Variants in MTUS2 observed in about 807,000 individuals in gnomAD.
MTUS2 encodes the protein microtubule-associated tumor suppressor candidate 2.
A neutral mutation model predicts 114.1 loss-of-function variants in MTUS2; 40 were observed. The observed-to-expected ratio is 0.35, with a 90% CI of 0.27 to 0.46. The LOEUF (loss-of-function observed/expected upper bound fraction) is 0.46. MTUS2 is among the 20% of genes least tolerant of loss of function. The pLI is 1.00. For synonymous variants in MTUS2, 688 were observed against 672.0 expected (o/e 1.02, Z -0.37); for missense variants, 1,679 against 1,705.4 (o/e 0.98, Z 0.27).
At chr13:29,170,908 C>G (rs2139118363) in intron 5 of MTUS2, among the ~76,000 whole-genome samples, 1 of 152,282 alleles carries the variant, frequency 6.6e-6, no homozygotes, top group South Asian at 2.1e-4. Flanking sequence ...AAAAATGTGG[C>G]AGCCATCCCA....
intron 9 of MTUS2, among the ~76,000 whole-genome samples, chr13:29,450,478 C>A (rs1017255802): frequency 2.0e-5 from 3 of 152,260 alleles, no homozygotes; most frequent in South Asian, 4.1e-4. Flanking sequence ...AGATTAGATT[C>A]TGCTGTTTCC....
At chr13:29,307,608 T>G (rs1899535835) in intron 6 of MTUS2, 1 of 1,173,544 alleles carries the variant, frequency 8.5e-7, no homozygotes. Context: ...TGGGCTACAC[T>G]GAGTACCAGC....
At chr13:29,326,648 G>T (rs1900527838) in intron 7 of MTUS2, among the ~76,000 whole-genome samples, 1 of 152,122 alleles carries the variant, frequency 6.6e-6, no homozygotes, top group Non-Finnish European at 1.5e-5. Flanking sequence ...ATGTCATAAT[G>T]ACTTACATGA....
chr13:29,349,724 A>T (rs1396795443), intron 7 of MTUS2, among the ~76,000 whole-genome samples: 1 of 151,924 alleles, frequency 6.6e-6, no homozygotes, highest in Admixed American at 6.6e-5. Flanking sequence ...CTAGTGGAAA[A>T]TCTGCTGTTA....
intron 4 of MTUS2, among the ~76,000 whole-genome samples, chr13:29,073,454 ACTATCTGAT>A (rs141702148): frequency 0.013 from 1,998 of 152,278 alleles, 49 homozygotes; most frequent in African/African-American, 0.046. Context: ...GGGAACCACA[ACTATCTGAT>A]GAGTCTTTCT....
At chr13:29,078,359 T>C (rs1272826277) in intron 4 of MTUS2, among the ~76,000 whole-genome samples, 1 of 152,154 alleles carries the variant, frequency 6.6e-6, no homozygotes, top group Non-Finnish European at 1.5e-5. Flanking sequence ...ACAGACCAAG[T>C]TTTCTATCTG....
chr13:29,472,111 G>A (rs144460964), intron 9 of MTUS2, among the ~76,000 whole-genome samples: 1 of 152,220 alleles, frequency 6.6e-6, no homozygotes, highest in African/African-American at 2.4e-5. Context: ...TGTAACCTCT[G>A]CCTCCCGAGT....
intron 2 of MTUS2, among the ~76,000 whole-genome samples, chr13:28,942,663 G>A (rs368896885): frequency 1.5e-4 from 23 of 152,354 alleles, no homozygotes; most frequent in African/African-American, 4.8e-4. Context: ...TGGTGACATG[G>A]ATACATCTCA....
At chr13:29,326,716 C>T (rs549990410) in intron 7 of MTUS2, among the ~76,000 whole-genome samples, 18 of 152,288 alleles carry the variant, frequency 1.2e-4, no homozygotes, top group East Asian at 5.8e-4. Flanking sequence ...CGTGGTGGCT[C>T]GTGCCTGTAA....
At chr13:29,500,705 A>G (rs1566241264) in intron 14 of MTUS2, among the ~76,000 whole-genome samples, 1 of 151,982 alleles carries the variant, frequency 6.6e-6, no homozygotes, top group Non-Finnish European at 1.5e-5. Flanking sequence ...CAGTAGTCAA[A>G]TGAGGTCCTA....
chr13:28,885,531 G>T (rs1425312189), intron 2 of MTUS2, among the ~76,000 whole-genome samples: 1 of 152,186 alleles, frequency 6.6e-6, no homozygotes, highest in African/African-American at 2.4e-5. Flanking sequence ...TTAGGATCCA[G>T]ACTTATTTTG....
intron 5 of MTUS2, among the ~76,000 whole-genome samples, chr13:29,232,191 T>G (rs1034145880): frequency 6.6e-6 from 1 of 152,166 alleles, no homozygotes; most frequent in African/African-American, 2.4e-5. Context: ...TTCAGATTTT[T>G]GTAGGAAATT....
intron 1 of MTUS2, among the ~76,000 whole-genome samples, chr13:28,838,916 T>G (rs985060606): frequency 6.6e-6 from 1 of 152,178 alleles, no homozygotes. Context: ...ACCCAAACCA[T>G]TGTTGCTCAG....
chr13:29,164,772 A>T lies in MTUS2; in HGVS notation c.2644+63802A>T, dbSNP rs142334293. 8.3e-4 allele frequency among the ~76,000 whole-genome samples: 127 copies of T among 152,350 alleles called. 1 individual carries two copies. The highest frequency in any genetic ancestry group is 3.0e-3 in the African/African-American group (124 of 41,578). ...AAATAATTATGTATTAGCCATATAA[A>T]GTAATTTCAAGTGGGAAATAATTTC... On this transcript the variant is annotated intron_variant, in intron 5 of 15. Coordinates refer to ENST00000612955, the MANE Select transcript of MTUS2 (RefSeq NM_001033602.4).
intron 8 of MTUS2, among the ~76,000 whole-genome samples, chr13:29,438,737 C>T (rs1877608185): frequency 6.6e-6 from 1 of 152,168 alleles, no homozygotes; most frequent in Non-Finnish European, 1.5e-5. Flanking sequence ...GCTGCATTTT[C>T]TTAAGGAAAC....
At chr13:29,126,158 T>A (rs1318693190) in intron 5 of MTUS2, among the ~76,000 whole-genome samples, 2 of 152,262 alleles carry the variant, frequency 1.3e-5, no homozygotes, top group East Asian at 3.9e-4. Flanking sequence ...GCTGTCCTCA[T>A]ACCTGCACTT....
chr13:29,334,601 T>C (rs985703928), intron 7 of MTUS2, among the ~76,000 whole-genome samples: 2 of 152,210 alleles, frequency 1.3e-5, no homozygotes, highest in Non-Finnish European at 2.9e-5. Context: ...CCTTTGTGGG[T>C]AACCTGACTT....
At chr13:29,418,616 CA>C (rs1323327567) in intron 8 of MTUS2, among the ~76,000 whole-genome samples, 2 of 152,188 alleles carry the variant, frequency 1.3e-5, no homozygotes, top group African/African-American at 4.8e-5. Context: ...TTGCCTTTAG[CA>C]GTTGAGTGCC....
chr13:28,830,889 A>C (rs1041950010), intron 1 of MTUS2, among the ~76,000 whole-genome samples: 69 of 152,316 alleles, frequency 4.5e-4, no homozygotes, highest in African/African-American at 1.6e-3. Flanking sequence ...TGAAAGACAA[A>C]AAAACTGTCA....
Sources: allele counts gnomAD v4.1 joint callset (sites outside exome capture counted in the v4.1 genomes callset), GRCh38; gene constraint gnomAD v4.1.1; transcripts MANE v1.5; gene names NCBI Gene and HGNC (gene_info 2026-07-23, HGNC 2026-07-21).